EFCAB12: variants seen among roughly 807,000 people sequenced by gnomAD.
EFCAB12 encodes the protein EF-hand calcium binding domain 12.
In EFCAB12, 43 loss-of-function variants were observed where a neutral mutation model predicts 53.6. The ratio of observed to expected loss-of-function variants is 0.80; its 90% CI spans 0.63 to 1.03. The LOEUF is 1.03. Ranked by LOEUF, EFCAB12 falls within the 50% of genes least tolerant of loss-of-function variation. EFCAB12 has a pLI of 0.00. For synonymous variants in EFCAB12, 269 were observed against 289.2 expected, an observed-to-expected ratio of 0.93 and a Z score of 0.71; for missense variants, 646 against 730.6, an observed-to-expected ratio of 0.88 and a Z score of 1.34.
intron 6 of EFCAB12, among the ~76,000 whole-genome samples, chr3:129,407,380 C>T (rs2071966989): frequency 2.0e-5 from 3 of 152,186 alleles, no homozygotes; most frequent in African/African-American, 2.4e-5. Flanking sequence ...ATAAATTTAG[C>T]GCTTGTTTCC....
rs78550531 is a variant in EFCAB12 at position 129,424,894 on chromosome 3, G to T, written c.50-3091C>A. ...AGGGTAACAAGATGTTCTCAGTTGG[G>T]GGAGAAATGCTGACTGTGGGACCTG... is the stretch of plus-strand genomic sequence containing the variant. On this transcript the variant is annotated intron_variant, in intron 1 of 8. Transcript: ENST00000505956. Among the ~76,000 whole-genome samples, 409 of 152,306 alleles carry T rather than the reference G, an allele frequency of 2.7e-3. 1 individual carries two copies. Among genetic ancestry groups the T allele is most frequent in the African/African-American group, 9.3e-3 (387 of 41,564 alleles).
At chr3:129,422,448 A>G (rs1303121938) in intron 1 of EFCAB12, among the ~76,000 whole-genome samples, 1 of 151,828 alleles carries the variant, frequency 6.6e-6, no homozygotes, top group Non-Finnish European at 1.5e-5. Context: ...TGTCCCCCTA[A>G]TCCCTTGCTT....
In EFCAB12 at chr3:129,407,556, C is replaced by T. The variant is rs1201288688; in HGVS notation, c.1249+1089G>A. Reference sequence around the variant, plus strand: ...AGAGGTTCCTAGGAGAAAACCTCTGCCCCCAAGTGCAGCTTGCTCCTTCAT... The same window carrying T: ...AGAGGTTCCTAGGAGAAAACCTCTGTCCCCAAGTGCAGCTTGCTCCTTCAT... On this transcript the variant is annotated intron_variant, in intron 6 of 8. Coordinates refer to ENST00000505956, the MANE Select transcript of EFCAB12 (RefSeq NM_207307.3). 2.6e-5 allele frequency among the ~76,000 whole-genome samples: 4 copies of T among 152,186 alleles called. No homozygotes were observed. The East Asian group carries it at 7.7e-4, about 29-fold the overall frequency.
intron 1 of EFCAB12, among the ~76,000 whole-genome samples, chr3:129,425,649 C>T (rs1465810780): frequency 6.6e-6 from 1 of 152,186 alleles, no homozygotes; most frequent in Non-Finnish European, 1.5e-5. Flanking sequence ...TTCTAGTGCT[C>T]TTTGGAGTCC....
chr3:129,409,143 C>T (rs962378693), intron 5 of EFCAB12, among the ~76,000 whole-genome samples: 2 of 152,202 alleles, frequency 1.3e-5, no homozygotes, highest in Non-Finnish European at 1.5e-5. Flanking sequence ...GCCCTAGAGG[C>T]GTCCTATTGA....
chr3:129,411,423 C>G, intron 4 of EFCAB12, 69 bp from the exon 5 acceptor site: 1 of 1,469,216 alleles, frequency 6.8e-7, no homozygotes, highest in Non-Finnish European at 9.2e-7. Flanking sequence ...ACCTGCCAAG[C>G]AGTTATCCAG....
In EFCAB12 at chr3:129,418,260, T is replaced by A; in HGVS notation, c.675A>T (p.Val225=). ...GAAAGCAGGTGGCACTTACTGCCTT[T>A]ACAGCCGCGATGAACTCCTCCCTGG... ...RITREEFIAA[V]KAVGVPLKNQ... Residue 225 remains valine (V), a synonymous_variant, in exon 3 of 9, where the codon GTA becomes GTT. Coordinates refer to ENST00000505956, the MANE Select transcript of EFCAB12 (RefSeq NM_207307.3). The A allele has an allele frequency of 6.2e-7, 1 of 1,608,632 alleles. No individual in the cohort carries two copies. The highest frequency in any genetic ancestry group is 1.1e-5 in the South Asian group (1 of 90,256).
chr3:129,427,216 C>T (rs2072284601), intron 1 of EFCAB12, among the ~76,000 whole-genome samples: 1 of 152,046 alleles, frequency 6.6e-6, no homozygotes, highest in Non-Finnish European at 1.5e-5. Flanking sequence ...TCTCAAACTC[C>T]TGGGCTCAAG....
intron 7 of EFCAB12, 185 bp from the exon 8 acceptor site, chr3:129,402,764 G>A (rs2071890658): frequency 1.7e-6 from 1 of 597,494 alleles, no homozygotes; most frequent in Non-Finnish European, 2.9e-6. Flanking sequence ...GGGGAACACA[G>A]TGGGCTTGGG....
chr3:129,401,849 T>C lies in EFCAB12; in HGVS notation c.1463A>G (p.Lys488Arg). The change falls in exon 9 of 9, where the codon AAG becomes AGG. Residue 488 changes from lysine (K) to arginine (R), a missense_variant and splice_region_variant. Transcript: ENST00000505956. ...ACCACTGGACCTCTTCACCTTCAGC[T>C]TCCTGGAAAACAAGAAGACACAGGG... is the stretch of plus-strand genomic sequence containing the variant. Reference protein sequence around the residue: ...RFKEFEEFTRKLKVKRSSGLQ... With the variant: ...RFKEFEEFTRRLKVKRSSGLQ... 1.2e-6 allele frequency: 2 copies of C among 1,610,596 alleles called. No homozygotes were observed. The highest frequency in any genetic ancestry group is 2.2e-5 in the East Asian group (1 of 44,794).
In EFCAB12 at chr3:129,421,491, T is replaced by A; in HGVS notation, c.362A>T (p.Asp121Val). ...KLRQELESFG[D>V]VKRWLENKPS... ...CTTGTTCTCCAGCCACCTCTTTACA[T>A]CACCAAAGGACTCTAGCTCCTGCCG... Residue 121 changes from aspartate to valine, a missense_variant, in exon 2 of 9, where the codon GAT becomes GTT. Asp to Val is a radical substitution (Grantham distance 152, BLOSUM62 -3). Coordinates refer to ENST00000505956, the MANE Select transcript of EFCAB12 (RefSeq NM_207307.3). 1 of 1,614,008 alleles carries A rather than the reference T, an allele frequency of 6.2e-7. No homozygotes were observed. The highest frequency in any genetic ancestry group is 8.5e-7 in the Non-Finnish European group (1 of 1,179,906).
chr3:129,423,764 C>A (rs955500731), intron 1 of EFCAB12, among the ~76,000 whole-genome samples: 1 of 152,186 alleles, frequency 6.6e-6, no homozygotes, highest in Non-Finnish European at 1.5e-5. Flanking sequence ...AGTTCAAGCT[C>A]CTTAACCTGG....
At chr3:129,427,043 T>A (rs978216683) in intron 1 of EFCAB12, among the ~76,000 whole-genome samples, 1 of 151,652 alleles carries the variant, frequency 6.6e-6, no homozygotes, top group Non-Finnish European at 1.5e-5. Flanking sequence ...GAGACGGGGT[T>A]TCATTGTGTT....
intron 6 of EFCAB12, among the ~76,000 whole-genome samples, chr3:129,405,987 A>G (rs932742490): frequency 2.6e-5 from 4 of 151,892 alleles, no homozygotes; most frequent in Non-Finnish European, 1.5e-5. Flanking sequence ...CTGAAGTGGG[A>G]CGATCGCTTG....
chr3:129,401,845 C>T lies in EFCAB12; in HGVS notation c.1467G>A (p.Leu489=). 6.2e-7 allele frequency: 1 copy of T among 1,610,962 alleles called. No individual in the cohort carries two copies. The highest frequency in any genetic ancestry group is 8.5e-7 in the Non-Finnish European group (1 of 1,177,618). ...FKEFEEFTRK[L]KVKRSSGLQQ... is the part of the protein sequence containing the mutation. ...GCAGACCACTGGACCTCTTCACCTT[C>T]AGCTTCCTGGAAAACAAGAAGACAC... The change falls in exon 9 of 9, where the codon CTG becomes CTA. Residue 489 remains leucine, a synonymous_variant. Transcript: ENST00000505956.
At chr3:129,411,547 T>C in intron 4 of EFCAB12, 193 bp from the exon 5 acceptor site, 1 of 519,582 alleles carries the variant, frequency 1.9e-6, no homozygotes, top group Non-Finnish European at 3.3e-6. Context: ...CCATCTCCAC[T>C]AATGGCGTCC....
Position 129,411,319 on chromosome 3 carries a change from C to T in EFCAB12, c.874G>A (p.Gly292Ser), listed in dbSNP as rs866438937. Residue 292 changes from glycine (G) to serine (S), a missense_variant, in exon 5 of 9, where the codon GGT (glycine) becomes AGT (serine). Gly to Ser is a moderately conservative substitution (Grantham distance 56). Transcript: ENST00000505956. Reference protein sequence around the residue: ...ILAKHRDSLKGPLKKQEVDSA... With the variant: ...ILAKHRDSLKSPLKKQEVDSA... ...TCCACCTCCTGCTTCTTGAGCGGAC[C>T]CTTCAGGGAATCTCTGTGCTTGGCC... 6.2e-7 allele frequency: 1 copy of T among 1,600,974 alleles called. No individual in the cohort carries two copies. The highest frequency in any genetic ancestry group is 8.5e-7 in the Non-Finnish European group (1 of 1,171,864).
intron 1 of EFCAB12, among the ~76,000 whole-genome samples, chr3:129,424,865 C>T (rs72986935): frequency 0.089 from 13,568 of 152,108 alleles, 696 homozygotes; most frequent in South Asian, 0.13. Context: ...GGTGGGGCAC[C>T]CAGAGGGTAA....
chr3:129,406,172 G>A (rs1251456567), intron 6 of EFCAB12, among the ~76,000 whole-genome samples: 1 of 152,174 alleles, frequency 6.6e-6, no homozygotes, highest in Non-Finnish European at 1.5e-5. Flanking sequence ...AGAAGACAGA[G>A]CTGCAGCTCC....
Sources: gnomAD v4.1 joint callset for allele counts (sites outside exome capture counted in the v4.1 genomes callset) on GRCh38, gnomAD v4.1.1 for gene constraint, MANE v1.5 for transcripts, NCBI Gene and HGNC (gene_info 2026-07-23, HGNC 2026-07-21) for gene names.